RNF145: variants seen among roughly 807,000 people sequenced by gnomAD.
RNF145 encodes ring finger protein 145.
Under a neutral mutation model 57.3 loss-of-function variants are expected in RNF145, and 12 were observed. That is an observed-to-expected ratio of 0.21 (90% CI 0.13 to 0.34). The LOEUF (loss-of-function observed/expected upper bound fraction) is 0.34, where lower values mean the gene tolerates loss of function less well. Among genes scored for constraint, RNF145 ranks in the 10% least tolerant of loss-of-function variants. The probability of loss-of-function intolerance (pLI) is 1.00; values close to 1 mark genes in which losing one functional copy is unlikely to be tolerated. For synonymous variants in RNF145, 262 were observed against 288.3 expected, an observed-to-expected ratio of 0.91 and a Z score of 0.92; for missense variants, 429 against 799.0, an observed-to-expected ratio of 0.54 and a Z score of 5.58.
In RNF145 at chr5:159,170,854, G is replaced by T. The variant is rs74759606; in HGVS notation, c.798-1035C>A. Among the ~76,000 whole-genome samples, 6 of 152,298 alleles carry T rather than the reference G, an allele frequency of 3.9e-5. No homozygotes were observed. The East Asian group carries it at 1.2e-3, about 29-fold the overall frequency. On this transcript the variant is annotated intron_variant, in intron 6 of 10. Coordinates refer to ENST00000424310, the MANE Select transcript of RNF145 (RefSeq NM_001199383.2). ...GATCCTCCCACCTCGGCCTCCCAAC[G>T]TATTGGGATTACAGGCTTGAGCTAA...
intron 3 of RNF145, among the ~76,000 whole-genome samples, chr5:159,189,814 A>T (rs897970441): frequency 1.3e-5 from 2 of 152,236 alleles, no homozygotes. Context: ...TCTTGAAAAC[A>T]TGCTAAGTGA....
chr5:159,193,198 T>C (rs1785345551), intron 3 of RNF145, among the ~76,000 whole-genome samples: 1 of 152,166 alleles, frequency 6.6e-6, no homozygotes, highest in Non-Finnish European at 1.5e-5. Context: ...AATGTCACTG[T>C]CTCCATTCTT....
intron 4 of RNF145, among the ~76,000 whole-genome samples, chr5:159,181,061 T>A (rs1230174384): frequency 6.6e-6 from 1 of 150,838 alleles, no homozygotes; most frequent in African/African-American, 2.4e-5. Context: ...CCAAACACCA[T>A]GTGTTCCCCC....
intron 8 of RNF145, among the ~76,000 whole-genome samples, chr5:159,164,324 TAAAG>T (rs1339789260): frequency 2.6e-5 from 4 of 152,206 alleles, no homozygotes; most frequent in South Asian, 2.1e-4. Flanking sequence ...TTTAACTTTT[TAAAG>T]AAAGGCAGTA....
In RNF145 at chr5:159,194,699, T is replaced by C. The variant is rs558313068; in HGVS notation, c.293+17A>G. On this transcript the variant is annotated intron_variant, in intron 3 of 10. Transcript: ENST00000424310. Reference sequence around the variant, plus strand: ...TAAATTCAATCATACATTTCAAAAATGGGGTCATATTCTTACCTGGAAATT... The same window carrying C: ...TAAATTCAATCATACATTTCAAAAACGGGGTCATATTCTTACCTGGAAATT... 205 of 1,403,006 alleles carry C rather than the reference T, an allele frequency of 1.5e-4. 2 individuals are homozygous for C. The South Asian group carries it at 2.3e-3, about 15-fold the overall frequency. The allele number at this position is 1,403,006 out of a possible 1,614,324, so 86.9% of individuals were successfully genotyped here.
At chr5:159,168,002 A>G (rs1784440668) in intron 8 of RNF145, among the ~76,000 whole-genome samples, 1 of 152,220 alleles carries the variant, frequency 6.6e-6, no homozygotes, top group Non-Finnish European at 1.5e-5. Context: ...GTATTTCTAT[A>G]ATCAATAATC....
intron 3 of RNF145, among the ~76,000 whole-genome samples, chr5:159,187,424 T>A (rs1188989922): frequency 6.6e-6 from 1 of 151,636 alleles, no homozygotes; most frequent in Non-Finnish European, 1.5e-5. Flanking sequence ...GCCTTCCAGG[T>A]TCAAGCGATT....
chr5:159,163,797 C>G (rs947459263), intron 8 of RNF145, among the ~76,000 whole-genome samples: 10 of 152,292 alleles, frequency 6.6e-5, no homozygotes, highest in Non-Finnish European at 1.3e-4. Flanking sequence ...AAATCTGTTC[C>G]TCATAAACCA....
At chr5:159,206,623 C>G (rs1269851148) in intron 1 of RNF145, among the ~76,000 whole-genome samples, 1 of 152,102 alleles carries the variant, frequency 6.6e-6, no homozygotes, top group East Asian at 1.9e-4. Context: ...ATAATGTTGC[C>G]TAATTTATCC....
Position 159,186,229 on chromosome 5 carries a change from A to G in RNF145, c.294-4178T>C, listed in dbSNP as rs191692451. 5.3e-5 allele frequency among the ~76,000 whole-genome samples: 8 copies of G among 152,222 alleles called. No homozygotes were observed. In the East Asian group the frequency reaches 1.5e-3, roughly 29 times the overall value. ...GTCAGAGTGAGACCCTGTCTCAAAAAAGAAAGAAAGAAAGAAAAAGAAAAG... is the reference window on the plus strand; with the variant it reads ...GTCAGAGTGAGACCCTGTCTCAAAAGAGAAAGAAAGAAAGAAAAAGAAAAG... On this transcript the variant is annotated intron_variant, in intron 3 of 10. Coordinates refer to ENST00000424310, the MANE Select transcript of RNF145 (RefSeq NM_001199383.2).
chr5:159,209,632 G>A, upstream of RNF145: 1 of 1,063,098 alleles, frequency 9.4e-7, no homozygotes, highest in Non-Finnish European at 1.2e-6. Context: ...GCGCGCGCCC[G>A]CGCTCACTCA....
intron 2 of RNF145, among the ~76,000 whole-genome samples, chr5:159,201,889 T>C (rs1048909268): frequency 5.3e-5 from 8 of 152,204 alleles, no homozygotes; most frequent in Admixed American, 2.6e-4. Flanking sequence ...TGAATGTAGA[T>C]ACATTATTTT....
At chr5:159,191,259 G>C (rs181071433) in intron 3 of RNF145, among the ~76,000 whole-genome samples, 6 of 152,096 alleles carry the variant, frequency 3.9e-5, no homozygotes, top group African/African-American at 1.2e-4. Context: ...GAAACAATTT[G>C]TATCAAGTCT....
At chr5:159,189,767 G>T (rs1350282065) in intron 3 of RNF145, among the ~76,000 whole-genome samples, 1 of 152,150 alleles carries the variant, frequency 6.6e-6, no homozygotes, top group Non-Finnish European at 1.5e-5. Flanking sequence ...GACAGAAAAA[G>T]AAAGTAAGCA....
At chr5:159,196,153 C>T (rs902862233) in intron 2 of RNF145, among the ~76,000 whole-genome samples, 3 of 152,074 alleles carry the variant, frequency 2.0e-5, no homozygotes, top group African/African-American at 7.2e-5. Flanking sequence ...ACCCACGGCC[C>T]ATGGGCTACA....
upstream of RNF145, chr5:159,209,828 C>T (rs1473275277): frequency 1.3e-6 from 2 of 1,535,004 alleles, no homozygotes; most frequent in Non-Finnish European, 1.7e-6. Flanking sequence ...CACCACGGGC[C>T]GCAAGCGCTC....
intron 3 of RNF145, among the ~76,000 whole-genome samples, chr5:159,189,210 T>C (rs1785198060): frequency 6.6e-6 from 1 of 152,148 alleles, no homozygotes; most frequent in African/African-American, 2.4e-5. Context: ...ATCATAGATC[T>C]GATAAGGGAC....
At chr5:159,194,917 T>C (rs1785403817) in intron 2 of RNF145, 93 bp from the exon 3 acceptor site, 2 of 858,952 alleles carry the variant, frequency 2.3e-6, no homozygotes, top group Non-Finnish European at 3.6e-6. Flanking sequence ...ATTTTCCAAA[T>C]AGGTTTCAGT....
rs539345921 is a variant in RNF145, at chr5:159,162,298, T to G, written c.1269+634A>C. Among the ~76,000 whole-genome samples, 7 of 152,334 alleles carry G rather than the reference T, an allele frequency of 4.6e-5. No individual in the cohort carries two copies. The South Asian group carries it at 1.4e-3, about 32-fold the overall frequency. ...ACAAGCTCTAAAAACTTTTAATATT[T>G]TAGTTACTTGTCAATTTAAGATTTA... On this transcript the variant is annotated intron_variant, in intron 9 of 10. Transcript: ENST00000424310.
Sources: gnomAD v4.1 joint callset for allele counts (sites outside exome capture counted in the v4.1 genomes callset) on GRCh38, gnomAD v4.1.1 for gene constraint, MANE v1.5 for transcripts, NCBI Gene and HGNC (gene_info 2026-07-23, HGNC 2026-07-21) for gene names.